The following GRIA3 variants were observed in gnomAD, a reference collection of about 807,000 sequenced individuals.
GRIA3 encodes glutamate receptor 3.
Under a neutral mutation model 63.0 loss-of-function variants are expected in GRIA3, and 3 were observed. The ratio of observed to expected loss-of-function variants is 0.05; its 90% CI spans 0.02 to 0.12. GRIA3 has a LOEUF of 0.12. Among genes scored for constraint, GRIA3 ranks in the 10% least tolerant of loss-of-function variants. GRIA3 has a pLI of 1.00. For synonymous variants in GRIA3, 274 were observed against 257.9 expected, an observed-to-expected ratio of 1.06 and a Z score of -0.60; for missense variants, 347 against 700.9, an observed-to-expected ratio of 0.50 and a Z score of 5.70.
chrX:123,319,479 ACTTTTT>A (rs2044853761), intron 3 of GRIA3, among the ~76,000 whole-genome samples: 1 of 112,050 alleles, frequency 8.9e-6, no homozygotes, highest in Non-Finnish European at 1.9e-5. Flanking sequence ...AGTCACCTAT[ACTTTTT>A]CTTTTAATTT....
chrX:123,479,767 G>A (rs956804492), intron 13 of GRIA3, among the ~76,000 whole-genome samples: 3 of 112,121 alleles, frequency 2.7e-5, no homozygotes, highest in Admixed American at 9.4e-5. Flanking sequence ...ATTGTCACCT[G>A]AGGGGAGACC....
At chrX:123,228,547 T>C (rs975908193) in intron 2 of GRIA3, among the ~76,000 whole-genome samples, 4 of 111,067 alleles carry the variant, frequency 3.6e-5, no homozygotes, top group African/African-American at 1.3e-4. Context: ...ACTTAGCAGG[T>C]GAGCCAAAAA....
chrX:123,293,916 A>G (rs1329617453), intron 3 of GRIA3, among the ~76,000 whole-genome samples: 2 of 110,326 alleles, frequency 1.8e-5, no homozygotes, highest in East Asian at 2.9e-4. Context: ...ATACTTATAA[A>G]GCAGAGACAA....
intron 2 of GRIA3, among the ~76,000 whole-genome samples, chrX:123,193,004 C>T (rs766302216): frequency 3.3e-4 from 36 of 110,318 alleles, no homozygotes; most frequent in African/African-American, 1.2e-3. Flanking sequence ...AAAAGGCTCT[C>T]GCAGACCAGC....
At chrX:123,441,312 T>C (rs1287074541) in intron 12 of GRIA3, among the ~76,000 whole-genome samples, 1 of 111,468 alleles carries the variant, frequency 9.0e-6, no homozygotes, top group Non-Finnish European at 1.9e-5. Context: ...TGTATATAAA[T>C]TTGGGGGAGA....
intron 13 of GRIA3, among the ~76,000 whole-genome samples, chrX:123,469,374 G>A (rs1198926451): frequency 1.8e-5 from 2 of 111,829 alleles, no homozygotes; most frequent in Non-Finnish European, 3.8e-5. Flanking sequence ...ATGTGCATGA[G>A]CTTAAACTAA....
At chrX:123,450,971 G>A (rs760343885) in intron 12 of GRIA3, among the ~76,000 whole-genome samples, 1 of 112,178 alleles carries the variant, frequency 8.9e-6, no homozygotes, top group Non-Finnish European at 1.9e-5. Flanking sequence ...CACTTGGTAG[G>A]TTTGAGGAAG....
At chrX:123,381,894 T>G (rs1024573302) in intron 5 of GRIA3, among the ~76,000 whole-genome samples, 1 of 112,456 alleles carries the variant, frequency 8.9e-6, no homozygotes, top group Non-Finnish European at 1.9e-5. Flanking sequence ...ATTTCCCTTC[T>G]CTTTTCCTCT....
chrX:123,292,025 A>C, intron 3 of GRIA3, among the ~76,000 whole-genome samples: 1 of 111,104 alleles, frequency 9.0e-6, no homozygotes, highest in East Asian at 2.8e-4. Flanking sequence ...CAGAGGGATA[A>C]ATTACCAAAA....
At chrX:123,463,501 G>A (rs2045805221) in intron 12 of GRIA3, among the ~76,000 whole-genome samples, 1 of 97,881 alleles carries the variant, frequency 1.0e-5, no homozygotes, top group Admixed American at 1.2e-4. Context: ...AGTGAACTAA[G>A]ATCACAGCAC....
At chrX:123,390,319 T>C (rs931720696) in intron 5 of GRIA3, among the ~76,000 whole-genome samples, 1 of 112,258 alleles carries the variant, frequency 8.9e-6, no homozygotes, top group Non-Finnish European at 1.9e-5. Context: ...TTTATATGGC[T>C]AGTCTAGCAG....
intron 5 of GRIA3, among the ~76,000 whole-genome samples, chrX:123,366,736 G>A (rs1324582612): frequency 8.9e-6 from 1 of 111,835 alleles, no homozygotes; most frequent in Non-Finnish European, 1.9e-5. Context: ...ACTCCAGTAT[G>A]TAAGGCACAT....
rs148435970 is a variant in GRIA3, at chrX:123,350,690, C to T, written c.697-4220C>T. Among the ~76,000 whole-genome samples, 732 of 112,110 alleles carry T rather than the reference C, an allele frequency of 6.5e-3. 5 individuals are homozygous for T. The highest frequency in any genetic ancestry group is 0.023 in the African/African-American group (696 of 30,880). On this transcript the variant is annotated intron_variant, in intron 4 of 15. Coordinates refer to ENST00000620443, the MANE Select transcript of GRIA3 (RefSeq NM_007325.5). ...AGGGGGCCAGTAAGAGGAAGTCTCC[C>T]CAGAATGGGTTGACTATGATTCACT...
At chrX:123,259,231 C>T (rs1417764022) in intron 3 of GRIA3, among the ~76,000 whole-genome samples, 1 of 110,965 alleles carries the variant, frequency 9.0e-6, no homozygotes, top group Admixed American at 9.6e-5. Flanking sequence ...AGGGCCTGTC[C>T]TCAGAGGATT....
intron 3 of GRIA3, among the ~76,000 whole-genome samples, chrX:123,291,690 C>T (rs1189973666): frequency 1.8e-5 from 2 of 111,290 alleles, no homozygotes; most frequent in Non-Finnish European, 3.8e-5. Flanking sequence ...CACCTATATG[C>T]TTGTTTCCCA....
intron 13 of GRIA3, 124 bp from the exon 14 acceptor site, chrX:123,479,939 T>C: frequency 3.9e-6 from 2 of 516,224 alleles, no homozygotes; most frequent in African/African-American, 2.3e-5. Flanking sequence ...GCCTGCAGTG[T>C]CTAAAATTAC....
intron 2 of GRIA3, among the ~76,000 whole-genome samples, chrX:123,215,755 C>T (rs926902827): frequency 1.1e-4 from 12 of 111,590 alleles, no homozygotes; most frequent in Middle Eastern, 4.6e-3. Context: ...GAGAGATGGA[C>T]GCAGCTGGTC....
At chrX:123,250,643 C>T (rs959639226) in intron 2 of GRIA3, among the ~76,000 whole-genome samples, 1 of 111,398 alleles carries the variant, frequency 9.0e-6, no homozygotes, top group African/African-American at 3.3e-5. Flanking sequence ...TTACCAGCTA[C>T]CCTTTGAATC....
At chrX:123,475,654 T>G (rs1186060871) in intron 13 of GRIA3, among the ~76,000 whole-genome samples, 3 of 112,153 alleles carry the variant, frequency 2.7e-5, no homozygotes, top group African/African-American at 3.2e-5. Context: ...CTTATAATTC[T>G]CTTAGGTACC....
Sources: allele counts gnomAD v4.1 joint callset (sites outside exome capture counted in the v4.1 genomes callset), GRCh38; gene constraint gnomAD v4.1.1; transcripts MANE v1.5; gene names NCBI Gene and HGNC (gene_info 2026-07-23, HGNC 2026-07-21).